Variants in BRF1 observed in about 807,000 individuals in gnomAD.
BRF1 encodes transcription factor IIIB 90 kDa subunit.
A neutral mutation model predicts 81.7 loss-of-function variants in BRF1; 59 were observed. The ratio of observed to expected loss-of-function variants is 0.72; its 90% CI spans 0.59 to 0.90. The LOEUF (loss-of-function observed/expected upper bound fraction) is 0.90. BRF1 is among the 40% of genes least tolerant of loss of function. BRF1 has a pLI of 0.00. For synonymous variants in BRF1, 491 were observed against 395.6 expected (o/e 1.24, Z -2.86); for missense variants, 1,050 against 936.3 (o/e 1.12, Z -1.58).
intron 2 of BRF1, among the ~76,000 whole-genome samples, chr14:105,285,980 G>C (rs914691679): frequency 3.3e-5 from 5 of 152,234 alleles, no homozygotes; most frequent in African/African-American, 9.6e-5. Flanking sequence ...AACGCAGTGA[G>C]AATGTCACTA....
rs139995749 is a variant in BRF1, at chr14:105,313,474, G to A, written c.-162+1848C>T. Among the ~76,000 whole-genome samples the A allele has an allele frequency of 4.4e-3, 674 of 152,368 alleles. 9 individuals carry two copies. Among genetic ancestry groups the A allele is most frequent in the African/African-American group, 0.015 (637 of 41,582 alleles). On this transcript the variant is annotated intron_variant, in intron 1 of 17. Transcript: ENST00000327359. ...GCCAGGGGCGCGTGGGAAACACAGA[G>A]TCCCTTGTTCTCTCCGAAGTGGGAC...
At chr14:105,314,181 G>A (rs1331838325) in intron 1 of BRF1, among the ~76,000 whole-genome samples, 1 of 152,150 alleles carries the variant, frequency 6.6e-6, no homozygotes, top group East Asian at 1.9e-4. Context: ...ACCCACGCAG[G>A]GGGGCGCGAG....
chr14:105,223,993 C>T (rs890375162), intron 10 of BRF1, among the ~76,000 whole-genome samples: 2 of 152,156 alleles, frequency 1.3e-5, no homozygotes, highest in African/African-American at 4.8e-5. Context: ...CAGCCAATCA[C>T]GAATGAACGT....
At chr14:105,273,779 T>C (rs1040157030) in intron 2 of BRF1, among the ~76,000 whole-genome samples, 44 of 152,338 alleles carry the variant, frequency 2.9e-4, no homozygotes, top group Non-Finnish European at 2.4e-4. Context: ...TGCGGAAAGC[T>C]GCAGGGACCT....
chr14:105,259,216 A>T (rs1465910643), intron 3 of BRF1, among the ~76,000 whole-genome samples: 3 of 152,172 alleles, frequency 2.0e-5, no homozygotes, highest in African/African-American at 7.2e-5. Flanking sequence ...GGCTGAGGCC[A>T]GCAGATCACC....
At chr14:105,282,642 G>T (rs1021135010) in intron 2 of BRF1, among the ~76,000 whole-genome samples, 5 of 152,182 alleles carry the variant, frequency 3.3e-5, no homozygotes, top group African/African-American at 1.2e-4. Context: ...TTAAAAGTAA[G>T]ATAAATACAG....
Position 105,300,474 on chromosome 14 carries a change from C to A in BRF1, c.156G>T (p.Ser52=). 6.5e-7 allele frequency: 1 copy of A among 1,533,988 alleles called. No individual in the cohort carries two copies. Among genetic ancestry groups the A allele is most frequent in the Non-Finnish European group, 8.7e-7 (1 of 1,144,166 alleles). The part of the protein sequence containing the change: ...QFVESSGGGS[S]AVGQFVSLDG... ...CCAGGGACACGAACTGGCCCACGGC[C>A]GAGGAGCCGCCGCCGCTGCTCTCCA... Residue 52 remains serine (S), a synonymous_variant, in exon 1 of 18, where the codon TCG becomes TCT. Coordinates refer to ENST00000547530, the MANE Select transcript of BRF1 (RefSeq NM_001519.4).
intron 2 of BRF1, among the ~76,000 whole-genome samples, chr14:105,280,379 G>C (rs2057019195): frequency 6.6e-6 from 1 of 152,236 alleles, no homozygotes; most frequent in Non-Finnish European, 1.5e-5. Flanking sequence ...GGGAAGGAGG[G>C]ATGAATGGGT....
intron 3 of BRF1, 88 bp from the exon 4 acceptor site, chr14:105,256,637 C>G (rs2055888441): frequency 6.5e-7 from 1 of 1,548,770 alleles, no homozygotes; most frequent in South Asian, 1.2e-5. Flanking sequence ...AGGACTGCAC[C>G]TGCAGGGAGC....
intron 5 of BRF1, chr14:105,250,560 T>C (rs1332649642): frequency 6.2e-7 from 1 of 1,614,094 alleles, no homozygotes; most frequent in Non-Finnish European, 8.5e-7. Context: ...CAGGAGGGGA[T>C]GACGGAAGTG....
intron 3 of BRF1, among the ~76,000 whole-genome samples, chr14:105,262,290 C>G (rs2056196071): frequency 6.6e-6 from 1 of 152,210 alleles, no homozygotes; most frequent in Admixed American, 6.5e-5. Context: ...CCGAACTTCC[C>G]AGAGACCACC....
At chr14:105,216,990 G>A (rs1011626324) in intron 15 of BRF1, among the ~76,000 whole-genome samples, 1 of 152,210 alleles carries the variant, frequency 6.6e-6, no homozygotes, top group Non-Finnish European at 1.5e-5. Context: ...CCACCCAGCG[G>A]CAAGCTGTGC....
chr14:105,290,440 C>T (rs1317715154), intron 1 of BRF1, among the ~76,000 whole-genome samples: 1 of 152,094 alleles, frequency 6.6e-6, no homozygotes. Flanking sequence ...AAATAAAAAG[C>T]CCCTGAAGCC....
At chr14:105,225,812 T>G (rs1892993060) in intron 10 of BRF1, among the ~76,000 whole-genome samples, 1 of 152,132 alleles carries the variant, frequency 6.6e-6, no homozygotes, top group Admixed American at 6.6e-5. Flanking sequence ...CACGCCCAGC[T>G]AATTTTTGCA....
chr14:105,303,647 T>G (rs1246737515), upstream of BRF1, among the ~76,000 whole-genome samples: 2 of 152,250 alleles, frequency 1.3e-5, no homozygotes, highest in Non-Finnish European at 2.9e-5. Flanking sequence ...ATTACCACTT[T>G]AGCTGAATCC....
intron 3 of BRF1, among the ~76,000 whole-genome samples, chr14:105,264,691 A>T (rs1456455270): frequency 6.9e-6 from 1 of 144,610 alleles, no homozygotes; most frequent in African/African-American, 2.6e-5. Context: ...AAAAAAAAAA[A>T]TTGAGTGGGT....
chr14:105,250,250 T>C, intron 5 of BRF1: 2 of 1,613,088 alleles, frequency 1.2e-6, no homozygotes, highest in African/African-American at 2.7e-5. Flanking sequence ...GTCTTCTGCC[T>C]ACCGCAGCAA....
At chr14:105,299,907 C>A (rs1476567798) in intron 1 of BRF1, among the ~76,000 whole-genome samples, 2 of 152,204 alleles carry the variant, frequency 1.3e-5, no homozygotes, top group East Asian at 1.9e-4. Context: ...CAAATGAATC[C>A]TTTTAGCAGC....
chr14:105,215,414 A>G (rs587703365), intron 15 of BRF1, among the ~76,000 whole-genome samples: 1 of 152,182 alleles, frequency 6.6e-6, no homozygotes, highest in African/African-American at 2.4e-5. Flanking sequence ...ACACACATGC[A>G]CACACACTAT....
Sources: allele counts gnomAD v4.1 joint callset (sites outside exome capture counted in the v4.1 genomes callset), GRCh38; gene constraint gnomAD v4.1.1; transcripts MANE v1.5; gene names NCBI Gene and HGNC (gene_info 2026-07-23, HGNC 2026-07-21).